The following PRKCQ variants were observed in gnomAD, a reference collection of about 807,000 sequenced individuals.
PRKCQ encodes protein kinase C theta type.
In PRKCQ, 41 loss-of-function variants were observed where a neutral mutation model predicts 91.2. That is an observed-to-expected ratio of 0.45 (90% CI 0.35 to 0.58). The LOEUF is 0.58. Among genes scored for constraint, PRKCQ ranks in the 20% least tolerant of loss-of-function variants. The pLI, the probability that PRKCQ is intolerant of heterozygous loss-of-function variation, is 0.00. For synonymous variants in PRKCQ, 307 were observed against 316.9 expected (o/e 0.97, Z 0.33); for missense variants, 673 against 896.5 (o/e 0.75, Z 3.18).
the PRKCQ span, among the ~76,000 whole-genome samples, chr10:6,398,488 A>G: frequency 6.6e-6 from 1 of 152,252 alleles, no homozygotes; most frequent in East Asian, 1.9e-4. Flanking sequence ...GCTGTTCAAC[A>G]ACAGGAAAAT....
At chr10:6,492,599 T>C (rs1465988663) in intron 7 of PRKCQ, among the ~76,000 whole-genome samples, 1 of 152,212 alleles carries the variant, frequency 6.6e-6, no homozygotes, top group Admixed American at 6.5e-5. Context: ...TTCTCTTTTC[T>C]GTCTCAAAAT....
intron 3 of PRKCQ, among the ~76,000 whole-genome samples, chr10:6,509,849 T>A (rs1189914100): frequency 4.6e-5 from 7 of 152,262 alleles, no homozygotes; most frequent in Admixed American, 4.6e-4. Context: ...ATTACTTTAG[T>A]GATACGAGCA....
intron 14 of PRKCQ, 131 bp downstream of exon 14, chr10:6,462,172 A>G (rs1300814180): frequency 3.9e-6 from 3 of 769,944 alleles, no homozygotes; most frequent in Non-Finnish European, 6.6e-6. Flanking sequence ...CATTGTGGGC[A>G]GCAGACCTAT....
chr10:6,530,310 T>G (rs1468195600), intron 1 of PRKCQ, among the ~76,000 whole-genome samples: 1 of 152,162 alleles, frequency 6.6e-6, no homozygotes, highest in Non-Finnish European at 1.5e-5. Context: ...CGCCCTTGGG[T>G]ACACCAGTAG....
intron 15 of PRKCQ, among the ~76,000 whole-genome samples, chr10:6,454,560 A>T (rs1414009139): frequency 2.0e-5 from 3 of 152,160 alleles, no homozygotes; most frequent in Non-Finnish European, 4.4e-5. Context: ...GGAAATTTGT[A>T]TAATTCCTAG....
At chr10:6,553,463 C>G (rs1368005992) in intron 1 of PRKCQ, among the ~76,000 whole-genome samples, 4 of 135,730 alleles carry the variant, frequency 2.9e-5, no homozygotes, top group African/African-American at 1.1e-4. Flanking sequence ...GCACTCCAGC[C>G]TGGGTGACAG....
chr10:6,453,034 T>C (rs1387541086), intron 15 of PRKCQ, among the ~76,000 whole-genome samples: 47 of 150,218 alleles, frequency 3.1e-4, no homozygotes, highest in African/African-American at 9.1e-4. Flanking sequence ...ATGTCTAAAA[T>C]ACCAAAAGCA....
downstream of PRKCQ, among the ~76,000 whole-genome samples, chr10:6,423,328 ACACT>A (rs1008528350): frequency 2.6e-5 from 4 of 152,168 alleles, no homozygotes; most frequent in African/African-American, 9.7e-5. Context: ...CCCCAGGGAC[ACACT>A]CAGTCTCTTT....
intron 1 of PRKCQ, among the ~76,000 whole-genome samples, chr10:6,557,879 T>A (rs1461602787): frequency 6.6e-6 from 1 of 152,222 alleles, no homozygotes; most frequent in Non-Finnish European, 1.5e-5. Flanking sequence ...CTCCTTCATC[T>A]TCATCTCCTC....
chr10:6,472,303 A>G (rs1174175825), intron 12 of PRKCQ, among the ~76,000 whole-genome samples: 3 of 152,002 alleles, frequency 2.0e-5, no homozygotes, highest in East Asian at 1.9e-4. Flanking sequence ...GCGAGACTCC[A>G]TCTCAGAAAA....
At chr10:6,553,500 A>AT (rs58498156) in intron 1 of PRKCQ, among the ~76,000 whole-genome samples, 11 of 122,272 alleles carry the variant, frequency 9.0e-5, no homozygotes, top group South Asian at 2.6e-4. Flanking sequence ...AAAAAAAAAA[A>AT]AAAAAAAAAA....
intron 12 of PRKCQ, among the ~76,000 whole-genome samples, chr10:6,475,230 G>A (rs1169426316): frequency 2.6e-5 from 4 of 152,208 alleles, no homozygotes; most frequent in East Asian, 1.9e-4. Context: ...AGACGGTGCC[G>A]TCCCATTAGG....
the PRKCQ span, among the ~76,000 whole-genome samples, chr10:6,420,365 C>G: frequency 2.0e-5 from 3 of 152,206 alleles, no homozygotes; most frequent in Non-Finnish European, 4.4e-5. Context: ...TGGTTGTTCT[C>G]TAGACTTTAC....
At chr10:6,447,399 TC>T (rs1834370801) in intron 15 of PRKCQ, among the ~76,000 whole-genome samples, 1 of 121,382 alleles carries the variant, frequency 8.2e-6, no homozygotes, top group African/African-American at 3.3e-5. Flanking sequence ...AGAGCAAGAC[TC>T]CACCTCAAAA....
intron 4 of PRKCQ, among the ~76,000 whole-genome samples, chr10:6,505,188 G>A (rs919562787): frequency 9.2e-5 from 14 of 152,018 alleles, no homozygotes; most frequent in Admixed American, 2.6e-4. Flanking sequence ...CACCGTGCCC[G>A]GCCAAAGCTT....
rs115246300 is a variant in PRKCQ at position 6,523,700 on chromosome 10, G to A, written c.-9-8556C>T. On this transcript the variant is annotated intron_variant, in intron 1 of 17. Transcript: ENST00000263125. The stretch of plus-strand genomic sequence containing the variant: ...GAAATATAGAAAATAAAACACCTGG[G>A]ATGACATTATTAATCTTCTGACACA... Among the ~76,000 whole-genome samples the A allele has an allele frequency of 5.4e-3, 818 of 152,212 alleles. 9 individuals carry two copies. Among genetic ancestry groups the A allele is most frequent in the African/African-American group, 0.018 (766 of 41,514 alleles).
intron 1 of PRKCQ, among the ~76,000 whole-genome samples, chr10:6,524,499 G>A (rs1196934820): frequency 6.6e-6 from 1 of 152,132 alleles, no homozygotes; most frequent in African/African-American, 2.4e-5. Context: ...CCAAGCGCAT[G>A]TCTGCCATGC....
intron 1 of PRKCQ, among the ~76,000 whole-genome samples, chr10:6,543,563 G>C (rs1839848169): frequency 6.6e-6 from 1 of 152,180 alleles, no homozygotes; most frequent in Non-Finnish European, 1.5e-5. Flanking sequence ...ATCAATTAGA[G>C]AGACGCTAAC....
chr10:6,501,547 C>A (rs539200959), intron 4 of PRKCQ, among the ~76,000 whole-genome samples: 1 of 151,736 alleles, frequency 6.6e-6, no homozygotes, highest in African/African-American at 2.4e-5. Context: ...CTCGGCTGGG[C>A]GTGGTAGCTT....
Sources: allele counts gnomAD v4.1 joint callset (sites outside exome capture counted in the v4.1 genomes callset), GRCh38; gene constraint gnomAD v4.1.1; transcripts MANE v1.5; gene names NCBI Gene and HGNC (gene_info 2026-07-23, HGNC 2026-07-21).